Variants in CNTNAP3B observed in about 807,000 individuals in gnomAD.
CNTNAP3B encodes the protein contactin associated protein family member 3B.
In CNTNAP3B, 25 loss-of-function variants were observed where a neutral mutation model predicts 108.9. The ratio of observed to expected loss-of-function variants is 0.23; its 90% CI spans 0.17 to 0.32. The LOEUF (loss-of-function observed/expected upper bound fraction) is 0.32, where lower values mean the gene tolerates loss of function less well. Ranked by LOEUF, CNTNAP3B falls within the 10% of genes least tolerant of loss-of-function variation. CNTNAP3B has a pLI of 1.00. For synonymous variants in CNTNAP3B, 103 were observed against 473.4 expected (o/e 0.22, Z 10.16); for missense variants, 252 against 1,210.4 (o/e 0.21, Z 11.75).
At chr9:41,966,769 C>G (rs954006260) in intron 10 of CNTNAP3B, among the ~76,000 whole-genome samples, 1 of 151,826 alleles carries the variant, frequency 6.6e-6, no homozygotes, top group African/African-American at 2.4e-5. Context: ...AGATCGAGAC[C>G]ATCCTGGCTA....
intron 1 of CNTNAP3B, among the ~76,000 whole-genome samples, chr9:42,115,939 T>C (rs1386428746): frequency 1.5e-5 from 2 of 132,046 alleles, no homozygotes; most frequent in African/African-American, 6.2e-5. Context: ...AGGAGGATGT[T>C]CGAACCCGTC....
At chr9:42,046,079 ACAGT>A (rs1826869555) in intron 3 of CNTNAP3B, among the ~76,000 whole-genome samples, 1 of 126,568 alleles carries the variant, frequency 7.9e-6, no homozygotes, top group Non-Finnish European at 1.7e-5. Context: ...CTTCCTCCCC[ACAGT>A]CAGTGCTGTG....
intron 13 of CNTNAP3B, among the ~76,000 whole-genome samples, chr9:41,952,116 C>T (rs1237254076): frequency 6.6e-6 from 1 of 152,382 alleles, no homozygotes; most frequent in South Asian, 2.1e-4. Context: ...GGCTGATTGG[C>T]CAGACGGACT....
intron 3 of CNTNAP3B, among the ~76,000 whole-genome samples, chr9:42,018,017 T>G (rs71303161): frequency 2.8e-5 from 3 of 106,856 alleles, no homozygotes; most frequent in Non-Finnish European, 1.9e-5. Flanking sequence ...AAGTGTTATA[T>G]GAAGAAACTG....
rs1253743490 is a variant in CNTNAP3B at position 41,934,130 on chromosome 9, C to CATATATATATATACACAT, written c.2237+4113_2237+4114insATGTGTATATATATATAT. Among the ~76,000 whole-genome samples, 62 of 116,460 alleles carry CATATATATATATACACAT rather than the reference C, an allele frequency of 5.3e-4. 1 individual carries two copies. Among genetic ancestry groups the CATATATATATATACACAT allele is most frequent in the African/African-American group, 2.0e-3 (58 of 29,720 alleles). The allele number at this position is 116,460 out of a possible 152,430, so 76.4% of individuals were successfully genotyped here. A position where few individuals can be genotyped will look rare whatever the true frequency, so the allele number is the denominator to read the frequency against. ...ATATATATATATATATATACACACA[C>CATATATATATATACACAT]ATATATATATACACACACATATATA... is the stretch of plus-strand genomic sequence containing the variant. On this transcript the variant is annotated intron_variant, in intron 14 of 23. Transcript: ENST00000377561.
chr9:41,961,661 C>A (rs1203224840), intron 11 of CNTNAP3B, among the ~76,000 whole-genome samples: 1 of 152,298 alleles, frequency 6.6e-6, no homozygotes, highest in East Asian at 1.9e-4. Context: ...AAGCTATCAA[C>A]TTCTCGTCAT....
intron 13 of CNTNAP3B, among the ~76,000 whole-genome samples, chr9:41,943,021 G>T (rs1210609973): frequency 4.6e-5 from 7 of 152,254 alleles, no homozygotes; most frequent in Non-Finnish European, 8.8e-5. Context: ...CAAACATGCA[G>T]TTATGACAGA....
chr9:42,114,752 A>G (rs1828275742), intron 1 of CNTNAP3B, among the ~76,000 whole-genome samples: 1 of 133,606 alleles, frequency 7.5e-6, no homozygotes, highest in South Asian at 2.5e-4. Context: ...AACATGTTCC[A>G]CTGAAGAAGA....
chr9:41,972,936 C>CA (rs1564164289), intron 9 of CNTNAP3B, among the ~76,000 whole-genome samples: 1 of 47,802 alleles, frequency 2.1e-5, no homozygotes, highest in East Asian at 1.9e-3. Flanking sequence ...CTTAGGTTAT[C>CA]TTTTTTTTTT....
At chr9:41,959,431 C>T (rs1486533719) in intron 12 of CNTNAP3B, among the ~76,000 whole-genome samples, 3 of 152,292 alleles carry the variant, frequency 2.0e-5, no homozygotes, top group Admixed American at 2.0e-4. Context: ...CTACCATTAG[C>T]TAGATTTTGT....
intron 18 of CNTNAP3B, among the ~76,000 whole-genome samples, chr9:41,916,074 A>T (rs1455890077): frequency 4.0e-5 from 6 of 149,932 alleles, no homozygotes; most frequent in Admixed American, 2.7e-4. Context: ...TTCTCTTTTT[A>T]AAAAATCTGA....
intron 4 of CNTNAP3B, among the ~76,000 whole-genome samples, chr9:42,001,403 G>T (rs1385335455): frequency 1.5e-5 from 2 of 133,002 alleles, no homozygotes; most frequent in Admixed American, 7.6e-5. Context: ...AACACAGCAA[G>T]ACCCCATTTC....
chr9:41,955,243 T>G lies in CNTNAP3B; in HGVS notation c.1877-1857A>C, dbSNP rs1824818994. ...TTTGCAGTCACCCATGGTTAAGATGTAATCACAGAAATGCCCTCAGTACTG... is the reference window on the plus strand; with the variant it reads ...TTTGCAGTCACCCATGGTTAAGATGGAATCACAGAAATGCCCTCAGTACTG... On this transcript the variant is annotated intron_variant, in intron 12 of 23. Transcript: ENST00000377561. Among the ~76,000 whole-genome samples, 3 of 150,054 alleles carry G rather than the reference T, an allele frequency of 2.0e-5. No individual in the cohort carries two copies. The Admixed American group carries it at 2.0e-4, about 10-fold the overall frequency.
chr9:42,045,342 G>C (rs560126847), intron 3 of CNTNAP3B, among the ~76,000 whole-genome samples: 1 of 123,664 alleles, frequency 8.1e-6, no homozygotes, highest in South Asian at 2.7e-4. Context: ...TTAACTATAG[G>C]CACAGTTTTG....
At chr9:41,926,790 A>G (rs1223100497) in intron 15 of CNTNAP3B, 27 of 152,306 alleles carry the variant, frequency 1.8e-4, no homozygotes, top group Admixed American at 1.5e-3. Flanking sequence ...TGAAAGTAGG[A>G]TATAAACTGA....
At chr9:41,934,425 G>T (rs1403075472) in intron 14 of CNTNAP3B, among the ~76,000 whole-genome samples, 2 of 152,242 alleles carry the variant, frequency 1.3e-5, no homozygotes, top group African/African-American at 4.8e-5. Flanking sequence ...TTTCACCTGT[G>T]TTAGCCAGGA....
Position 41,958,705 on chromosome 9 carries a change from A to AAAAACAAAAC in CNTNAP3B, c.1876+2058_1876+2067dup, listed in dbSNP as rs71286797. Among the ~76,000 whole-genome samples the AAAAACAAAAC allele has an allele frequency of 6.9e-4, 100 of 144,522 alleles. No homozygotes were observed. The East Asian group carries it at 0.015, about 21-fold the overall frequency. 94.8% of individuals were successfully genotyped at this position (144,522 alleles called of 152,430 possible). The stretch of plus-strand genomic sequence containing the variant: ...CCAGGCAGGTTAGGCTCTGAAAACA[A>AAAAACAAAAC]AAAACAAAACAAAACAAAACAAAAG... On this transcript the variant is annotated intron_variant, in intron 12 of 23. Transcript: ENST00000377561.
intron 10 of CNTNAP3B, 139 bp from the exon 11 acceptor site, chr9:41,964,783 G>C: frequency 1.0e-6 from 1 of 995,370 alleles, no homozygotes; most frequent in East Asian, 2.7e-5. Flanking sequence ...CTGCCATCAA[G>C]GTTCTCTAAT....
intron 13 of CNTNAP3B, among the ~76,000 whole-genome samples, chr9:41,939,600 G>A (rs1459248070): frequency 2.6e-5 from 4 of 152,394 alleles, no homozygotes; most frequent in Non-Finnish European, 5.9e-5. Context: ...TCACTACAAC[G>A]TAAAAGATAT....
Sources: gnomAD v4.1 joint callset for allele counts (sites outside exome capture counted in the v4.1 genomes callset) on GRCh38, gnomAD v4.1.1 for gene constraint, MANE v1.5 for transcripts, NCBI Gene and HGNC (gene_info 2026-07-23, HGNC 2026-07-21) for gene names.